CALHM6: variants seen among roughly 807,000 people sequenced by gnomAD.
CALHM6 encodes the protein calcium homeostasis modulator protein 6.
CALHM6 carries 15 observed loss-of-function variants against 12.7 expected under a neutral mutation model. The ratio of observed to expected loss-of-function variants is 1.18; its 90% confidence interval spans 0.79 to 1.82. The LOEUF is 1.82. Ranked by LOEUF, CALHM6 falls within the 40% of genes most tolerant of loss-of-function variation. CALHM6 has a pLI of 0.00. For synonymous variants in CALHM6, 212 were observed against 193.7 expected, an observed-to-expected ratio of 1.09 and a Z score of -0.78; for missense variants, 434 against 421.0, an observed-to-expected ratio of 1.03 and a Z score of -0.27.
chr6:116,461,699 G>T (rs1562325978), intron 1 of CALHM6, among the ~76,000 whole-genome samples, 173 bp from the exon 2 acceptor site: 2 of 151,590 alleles, frequency 1.3e-5, no homozygotes, highest in Admixed American at 6.6e-5. Context: ...AAGGTCCTGG[G>T]GGTGTTTGCT....
Position 116,462,085 on chromosome 6 carries a change from C to A in CALHM6, c.156C>A (p.Gly52=), listed in dbSNP as rs1364986222. The change falls in exon 2 of 3, where the codon GGC becomes GGA. Residue 52 remains glycine (G), a synonymous_variant. Coordinates refer to ENST00000368605, the MANE Select transcript of CALHM6 (RefSeq NM_001010919.3). ...PCSAAWNLPY[G]LVFLLVPALA... ...GCGCCGCCTGGAACCTGCCCTACGG[C>A]CTGGTCTTCTTGCTGGTGCCGGCGC... 1.3e-6 allele frequency: 2 copies of A among 1,546,510 alleles called. No homozygotes were observed. Among genetic ancestry groups the A allele is most frequent in the Non-Finnish European group, 1.7e-6 (2 of 1,146,128 alleles).
rs985492407 is a variant in CALHM6, at chr6:116,463,244, C to A, written c.526-39C>A. The A allele has an allele frequency of 1.0e-5, 16 of 1,539,662 alleles. No homozygotes were observed. In the South Asian group the frequency reaches 1.6e-4, roughly 16 times the overall value. On this transcript the variant is annotated intron_variant, in intron 2 of 2. Coordinates refer to ENST00000368605, the MANE Select transcript of CALHM6 (RefSeq NM_001010919.3). ...GGATTTTTAAATTTCTTGTAAAAAA[C>A]CAAGTAACTAAATTACTATTTTGTT...
chr6:116,463,346 C>T lies in CALHM6; in HGVS notation c.589C>T (p.Arg197Ter), dbSNP rs1398740210. 17 of 1,613,886 alleles carry T rather than the reference C, an allele frequency of 1.1e-5. No homozygotes were observed. Among genetic ancestry groups the T allele is most frequent in the Non-Finnish European group, 1.4e-5 (16 of 1,180,010 alleles). ...IILLIFTSVT[R>*]CLSPVSFLQL... ...TCTTCTGATTTTTACATCTGTCACCCGATGCCTATCTCCAGTTAGTTTTCT... is the reference window on the plus strand; with the variant it reads ...TCTTCTGATTTTTACATCTGTCACCTGATGCCTATCTCCAGTTAGTTTTCT... The change falls in exon 3 of 3, where the codon CGA (arginine) becomes TGA (stop). Residue 197 changes from arginine (R) to a stop codon, truncating the protein, a stop_gained. Transcript: ENST00000368605. LOFTEE classifies it low-confidence loss of function (END_TRUNC).
intron 1 of CALHM6, 110 bp downstream of exon 1, chr6:116,461,539 G>C: frequency 1.9e-6 from 2 of 1,061,086 alleles, no homozygotes; most frequent in Non-Finnish European, 2.8e-6. Context: ...TCCAACTGGC[G>C]GCCGTGGGTC....
rs1375726725 is a variant in CALHM6 at position 116,462,317 on chromosome 6, G to C, written c.388G>C (p.Gly130Arg). The change falls in exon 2 of 3, where the codon GGG becomes CGG. Residue 130 changes from glycine to arginine, a missense_variant. Physicochemically the swap from Gly to Arg is moderately radical, Grantham distance 125. Transcript: ENST00000368605. The part of the protein sequence containing the change: ...GGAFYECAAT[G>R]SAAFAQRLCL... ...CGCCTTTTACGAGTGCGCGGCCACC[G>C]GGAGCGCGGCCTTCGCGCAGCGCCT... 1 of 1,434,258 alleles carries C rather than the reference G, an allele frequency of 7.0e-7. No individual in the cohort carries two copies. Among genetic ancestry groups the C allele is most frequent in the Non-Finnish European group, 9.1e-7 (1 of 1,099,464 alleles). 88.8% of individuals were successfully genotyped at this position (1,434,258 alleles called of 1,614,324 possible).
chr6:116,462,338 C>T lies in CALHM6; in HGVS notation c.409C>T (p.Arg137Cys). 1 of 1,447,664 alleles carries T rather than the reference C, an allele frequency of 6.9e-7. No homozygotes were observed. The highest frequency in any genetic ancestry group is 2.7e-5 in the Admixed American group (1 of 37,174). The allele number at this position is 1,447,664 out of a possible 1,614,324, so 89.7% of individuals were successfully genotyped here. Reference protein sequence around the residue: ...AATGSAAFAQRLCLGRNRSCA... With the variant: ...AATGSAAFAQCLCLGRNRSCA... ...CACCGGGAGCGCGGCCTTCGCGCAG[C>T]GCCTGTGCCTCGGCCGCAACCGCAG... Residue 137 changes from arginine (R) to cysteine (C), a missense_variant, in exon 2 of 3, where the codon CGC (arginine) becomes TGC (cysteine). Transcript: ENST00000368605.
rs1784834892 is a variant in CALHM6 at position 116,463,708 on chromosome 6, T to C, written c.*3T>C. ...TAAACAGCACTCCTGAGTTATGACCTTTTGAATGAGTAGAAAAAAAAATTG... is the reference window on the plus strand; with the variant it reads ...TAAACAGCACTCCTGAGTTATGACCCTTTGAATGAGTAGAAAAAAAAATTG... On this transcript the variant is annotated 3_prime_UTR_variant, in exon 3 of 3. Transcript: ENST00000368605. The C allele has an allele frequency of 6.6e-7, 1 of 1,511,292 alleles. No homozygotes were observed. Among genetic ancestry groups the C allele is most frequent in the South Asian group, 1.3e-5 (1 of 74,980 alleles). 93.6% of individuals were successfully genotyped at this position (1,511,292 alleles called of 1,614,324 possible).
At position 116,461,981 on chromosome 6, in the gene CALHM6, T is replaced by C. The variant is rs755574207; in HGVS notation, c.52T>C (p.Leu18=). ...LDLHVKHHSA[L]GYGLVTLLTA... ...CCTGCACGTCAAGCACCACAGCGCC[T>C]TGGGCTACGGCCTGGTGACCCTGCT... is the stretch of plus-strand genomic sequence containing the variant. Residue 18 remains leucine (L), a synonymous_variant, in exon 2 of 3, where the codon TTG becomes CTG. Transcript: ENST00000368605. 6 of 1,547,530 alleles carry C rather than the reference T, an allele frequency of 3.9e-6. No homozygotes were observed. The highest frequency in any genetic ancestry group is 1.4e-5 in the African/African-American group (1 of 72,846).
In CALHM6 at chr6:116,462,331, C is replaced by A; in HGVS notation, c.402C>A (p.Phe134Leu). The change falls in exon 2 of 3, where the codon TTC (phenylalanine) becomes TTA (leucine). Residue 134 changes from phenylalanine to leucine, a missense_variant. Phe to Leu is a conservative substitution (Grantham distance 22, BLOSUM62 0). Coordinates refer to ENST00000368605, the MANE Select transcript of CALHM6 (RefSeq NM_001010919.3). The stretch of plus-strand genomic sequence containing the variant: ...GCGCGGCCACCGGGAGCGCGGCCTT[C>A]GCGCAGCGCCTGTGCCTCGGCCGCA... Reference protein sequence around the residue: ...YECAATGSAAFAQRLCLGRNR... With the variant: ...YECAATGSAALAQRLCLGRNR... 6.9e-7 allele frequency: 1 copy of A among 1,440,284 alleles called. No individual in the cohort carries two copies. Among genetic ancestry groups the A allele is most frequent in the Non-Finnish European group, 9.1e-7 (1 of 1,101,842 alleles). 89.2% of individuals were successfully genotyped at this position (1,440,284 alleles called of 1,614,324 possible). A position where few individuals can be genotyped will look rare whatever the true frequency, so the allele number is the denominator to read the frequency against.
In CALHM6 at chr6:116,462,274, C is replaced by G. The variant is rs4354189; in HGVS notation, c.345C>G (p.Ala115=). The change falls in exon 2 of 3, where the codon GCC becomes GCG. Residue 115 remains alanine (A), a synonymous_variant. Transcript: ENST00000368605. The part of the protein sequence containing the change: ...AAALAPLTWV[A]VALLGGAFYE... ...CGCTCGCGCCCCTCACCTGGGTGGC[C>G]GTGGCGCTGCTCGGGGGCGCCTTTT... is the stretch of plus-strand genomic sequence containing the variant. 3.3e-3 allele frequency: 4,610 copies of G among 1,379,508 alleles called. 15 individuals carry two copies. The highest frequency in any genetic ancestry group is 4.0e-3 in the Non-Finnish European group (4,286 of 1,074,264). 85.5% of individuals were successfully genotyped at this position (1,379,508 alleles called of 1,614,324 possible).
Position 116,461,387 on chromosome 6 carries a change from T to C in CALHM6, c.-101T>C. 1 of 1,549,648 alleles carries C rather than the reference T, an allele frequency of 6.5e-7. No homozygotes were observed. Among genetic ancestry groups the C allele is most frequent in the South Asian group, 1.2e-5 (1 of 84,036 alleles). On this transcript the variant is annotated 5_prime_UTR_variant, in exon 1 of 3. Coordinates refer to ENST00000368605, the MANE Select transcript of CALHM6 (RefSeq NM_001010919.3). ...TGAGCTGGACTTTGCTGATTTAGCTTATGGAAGAGGAACCAGAAATTTGTC... is the reference window on the plus strand; with the variant it reads ...TGAGCTGGACTTTGCTGATTTAGCTCATGGAAGAGGAACCAGAAATTTGTC...
At chr6:116,462,513 C>T in intron 2 of CALHM6, 59 bp downstream of exon 2, 2 of 1,285,542 alleles carry the variant, frequency 1.6e-6, no homozygotes, top group Non-Finnish European at 2.1e-6. Context: ...TTTCTCAGGG[C>T]CGCTGGGGTG....
At position 116,462,267 on chromosome 6, in the gene CALHM6, G is replaced by C; in HGVS notation, c.338G>C (p.Trp113Ser). The change falls in exon 2 of 3, where the codon TGG (tryptophan) becomes TCG (serine). Residue 113 changes from tryptophan (W) to serine (S), a missense_variant. Physicochemically the swap from Trp to Ser is radical, Grantham distance 177. Transcript: ENST00000368605. ...GCCGCCGCGCTCGCGCCCCTCACCT[G>C]GGTGGCCGTGGCGCTGCTCGGGGGC... ...SAAAALAPLTWVAVALLGGAF... is the reference protein window; with the variant it reads ...SAAAALAPLTSVAVALLGGAF... The C allele has an allele frequency of 7.3e-7, 1 of 1,377,920 alleles. No homozygotes were observed. The highest frequency in any genetic ancestry group is 9.3e-7 in the Non-Finnish European group (1 of 1,073,480). The allele number at this position is 1,377,920 out of a possible 1,614,324, so 85.4% of individuals were successfully genotyped here.
chr6:116,463,570 G>T lies in CALHM6; in HGVS notation c.813G>T (p.Gln271His). 6.2e-7 allele frequency: 1 copy of T among 1,614,124 alleles called. No homozygotes were observed. Among genetic ancestry groups the T allele is most frequent in the Admixed American group, 1.7e-5 (1 of 60,022 alleles). Residue 271 changes from glutamine to histidine, a missense_variant, in exon 3 of 3, where the codon CAG (glutamine) becomes CAT (histidine). Physicochemically the swap from Gln to His is conservative, Grantham distance 24 (BLOSUM62 0). Transcript: ENST00000368605. ...SSLYTFNPKG[Q>H]YYSMLHKYVN... ...TGTATACTTTCAATCCGAAGGGCCA[G>T]TACTACAGCATGTTGCACAAATATG...
At chr6:116,462,517 TG>T in intron 2 of CALHM6, 63 bp downstream of exon 2, 1 of 1,252,978 alleles carries the variant, frequency 8.0e-7, no homozygotes, top group Non-Finnish European at 1.1e-6. Context: ...TCAGGGCCGC[TG>T]GGGTGAGGGA....
At position 116,462,149 on chromosome 6, in the gene CALHM6, ACGTGGCGCCTGCTCACCG is replaced by A; in HGVS notation, c.221_238del (p.Thr74_Gly80delinsArg). ...CCTGGGCTACGTGCTGAGCGCACGC[ACGTGGCGCCTGCTCACCG>A]GATGCTGCTCCAGCGCCCGCGCGAG... On this transcript the variant is annotated inframe_deletion, in exon 2 of 3. Coordinates refer to ENST00000368605, the MANE Select transcript of CALHM6 (RefSeq NM_001010919.3). 3 of 1,530,552 alleles carry A rather than the reference ACGTGGCGCCTGCTCACCG, an allele frequency of 2.0e-6. No homozygotes were observed. The East Asian group carries it at 7.4e-5, about 38-fold the overall frequency. The allele number at this position is 1,530,552 out of a possible 1,614,324, so 94.8% of individuals were successfully genotyped here.
chr6:116,462,181 C>T lies in CALHM6; in HGVS notation c.252C>T (p.Ser84=), dbSNP rs1184766388. Residue 84 remains serine, a synonymous_variant, in exon 2 of 3, where the codon AGC becomes AGT. Coordinates refer to ENST00000368605, the MANE Select transcript of CALHM6 (RefSeq NM_001010919.3). ...TWRLLTGCCS[S]ARASCGSALR... is the part of the protein sequence containing the mutation. ...GCCTGCTCACCGGATGCTGCTCCAG[C>T]GCCCGCGCGAGTTGCGGATCGGCGC... 1.3e-6 allele frequency: 2 copies of T among 1,512,898 alleles called. No individual in the cohort carries two copies. The highest frequency in any genetic ancestry group is 1.8e-6 in the Non-Finnish European group (2 of 1,134,128). The allele number at this position is 1,512,898 out of a possible 1,614,324, so 93.7% of individuals were successfully genotyped here. A position where few individuals can be genotyped will look rare whatever the true frequency, so the allele number is the denominator to read the frequency against.
chr6:116,462,112 C>T lies in CALHM6; in HGVS notation c.183C>T (p.Leu61=). The T allele has an allele frequency of 6.5e-7, 1 of 1,541,796 alleles. No homozygotes were observed. Among genetic ancestry groups the T allele is most frequent in the South Asian group, 1.2e-5 (1 of 83,820 alleles). ...TGGTCTTCTTGCTGGTGCCGGCGCT[C>T]GCGCTCTTCCTCCTGGGCTACGTGC... ...YGLVFLLVPA[L]ALFLLGYVLS... Residue 61 remains leucine (L), a synonymous_variant, in exon 2 of 3, where the codon CTC becomes CTT. Coordinates refer to ENST00000368605, the MANE Select transcript of CALHM6 (RefSeq NM_001010919.3).
At position 116,463,608 on chromosome 6, in the gene CALHM6, A is replaced by G; in HGVS notation, c.851A>G (p.Glu284Gly). 1 of 1,614,176 alleles carries G rather than the reference A, an allele frequency of 6.2e-7. No homozygotes were observed. The highest frequency in any genetic ancestry group is 8.5e-7 in the Non-Finnish European group (1 of 1,180,000). The change falls in exon 3 of 3, where the codon GAG becomes GGG. Residue 284 changes from glutamate (E) to glycine (G), a missense_variant. By Grantham distance (98) the Glu-to-Gly change is moderately conservative (BLOSUM62 -2). Coordinates refer to ENST00000368605, the MANE Select transcript of CALHM6 (RefSeq NM_001010919.3). ...TTGCACAAATATGTCAACAGAAAAGAGAAGACTCACAGTATCAGGTCTACT... is the reference window on the plus strand; with the variant it reads ...TTGCACAAATATGTCAACAGAAAAGGGAAGACTCACAGTATCAGGTCTACT... ...SMLHKYVNRK[E>G]KTHSIRSTEG...
Sources: allele counts gnomAD v4.1 joint callset (sites outside exome capture counted in the v4.1 genomes callset), GRCh38; gene constraint gnomAD v4.1.1; transcripts MANE v1.5; gene names NCBI Gene and HGNC (gene_info 2026-07-23, HGNC 2026-07-21).